TPCN2: variants seen among roughly 807,000 people sequenced by gnomAD.
TPCN2 encodes two pore channel protein 2.
A neutral mutation model predicts 111.4 loss-of-function variants in TPCN2; 92 were observed. The ratio of observed to expected loss-of-function variants is 0.83; its 90% CI spans 0.70 to 0.98. The LOEUF (loss-of-function observed/expected upper bound fraction) is 0.98. Ranked by LOEUF, TPCN2 falls within the 50% of genes least tolerant of loss-of-function variation. TPCN2 has a pLI of 0.00. For synonymous variants in TPCN2, 405 were observed against 414.5 expected, an observed-to-expected ratio of 0.98 and a Z score of 0.28; for missense variants, 995 against 980.1, an observed-to-expected ratio of 1.02 and a Z score of -0.20.
At position 69,076,566 on chromosome 11, in the gene TPCN2, T is replaced by A. The variant is rs1590739432; in HGVS notation, c.1231-1916T>A. 1.3e-5 allele frequency among the ~76,000 whole-genome samples: 2 copies of A among 150,768 alleles called. 1 individual carries two copies. Among genetic ancestry groups the A allele is most frequent in the East Asian group, 3.9e-4 (2 of 5,102 alleles). On this transcript the variant is annotated intron_variant, in intron 13 of 24. Coordinates refer to ENST00000294309, the MANE Select transcript of TPCN2 (RefSeq NM_139075.4). ...TGCCCTCCTGCTCTGTCCCTCCACC[T>A]GCCCTCCTGCTCTGTCCCTCCACCT...
intron 5 of TPCN2, among the ~76,000 whole-genome samples, chr11:69,062,483 A>T (rs1855066307): frequency 6.6e-6 from 1 of 151,036 alleles, no homozygotes; most frequent in African/African-American, 2.4e-5. Context: ...AGGGGTGAGG[A>T]GGCGGGGATG....
At chr11:69,050,009 C>T (rs951472464) in intron 1 of TPCN2, among the ~76,000 whole-genome samples, 1 of 152,236 alleles carries the variant, frequency 6.6e-6, no homozygotes, top group African/African-American at 2.4e-5. Flanking sequence ...CCTCTCTGGC[C>T]TCTCTTTCCT....
At chr11:69,075,183 GT>G (rs372972126) in intron 13 of TPCN2, among the ~76,000 whole-genome samples, 2,098 of 152,290 alleles carry the variant, frequency 0.014, 17 homozygotes, top group Middle Eastern at 0.034. Context: ...GGTTCCACAG[GT>G]TTTGGGAGCC....
At chr11:69,077,717 C>T (rs774585899) in intron 13 of TPCN2, among the ~76,000 whole-genome samples, 9 of 152,306 alleles carry the variant, frequency 5.9e-5, no homozygotes, top group Admixed American at 4.6e-4. Flanking sequence ...TGCCTGTTCA[C>T]GCAGCCATGT....
chr11:69,065,159 T>A (rs1287951991), intron 7 of TPCN2, among the ~76,000 whole-genome samples: 1 of 152,082 alleles, frequency 6.6e-6, no homozygotes, highest in Non-Finnish European at 1.5e-5. Flanking sequence ...TGTGTATGTG[T>A]GTGTTTGTGT....
chr11:69,087,929 C>T lies in TPCN2; in HGVS notation c.2235C>T (p.His745=). Reference sequence around the variant, plus strand: ...AGCTCACAGAGAGGCTGAGCCAGCACCCGCACCTGTGGCTGTGCAGGTGAC... The same window carrying T: ...AGCTCACAGAGAGGCTGAGCCAGCATCCGCACCTGTGGCTGTGCAGGTGAC... The part of the protein sequence containing the change: ...EDELTERLSQ[H]PHLWLCR The change falls in exon 25 of 25, where the codon CAC becomes CAT. Residue 745 remains histidine (H), a synonymous_variant. Transcript: ENST00000294309. 2 of 1,611,432 alleles carry T rather than the reference C, an allele frequency of 1.2e-6. No individual in the cohort carries two copies. Among genetic ancestry groups the T allele is most frequent in the Non-Finnish European group, 1.7e-6 (2 of 1,179,662 alleles).
At position 69,049,058 on chromosome 11, in the gene TPCN2, G is replaced by T; in HGVS notation, c.61G>T (p.Asp21Tyr). 1 of 1,242,594 alleles carries T rather than the reference G, an allele frequency of 8.0e-7. No individual in the cohort carries two copies. The highest frequency in any genetic ancestry group is 1.0e-6 in the Non-Finnish European group (1 of 988,618). 77.0% of individuals were successfully genotyped at this position (1,242,594 alleles called of 1,614,324 possible). Residue 21 changes from aspartate to tyrosine, a missense_variant, in exon 1 of 25, where the codon GAC becomes TAC. Transcript: ENST00000294309. Reference protein sequence around the residue: ...LLGGARGGGGDWPAGLTTYRS... With the variant: ...LLGGARGGGGYWPAGLTTYRS... ...GGGCGGGGCCCGCGGCGGTGGCGGC[G>T]ACTGGCCGGCGGGGCTGACCACTTA...
intron 1 of TPCN2, among the ~76,000 whole-genome samples, chr11:69,050,055 A>G (rs1861151969): frequency 6.6e-6 from 1 of 152,144 alleles, no homozygotes; most frequent in Non-Finnish European, 1.5e-5. Flanking sequence ...CTGGGTTGGA[A>G]TCCTGGTGCC....
At chr11:69,079,969 G>T (rs1400538371) in intron 17 of TPCN2, 86 bp downstream of exon 17, 76 of 1,319,982 alleles carry the variant, frequency 5.8e-5, no homozygotes, top group Non-Finnish European at 8.1e-5. Flanking sequence ...GGTGTCCAGG[G>T]GGCTGGGTCT....
Position 69,085,765 on chromosome 11 carries a change from C to T in TPCN2, c.1920+13C>T. The T allele has an allele frequency of 6.2e-7, 1 of 1,613,778 alleles. No individual in the cohort carries two copies. Among genetic ancestry groups the T allele is most frequent in the Non-Finnish European group, 8.5e-7 (1 of 1,179,750 alleles). On this transcript the variant is annotated intron_variant, in intron 21 of 24. Coordinates refer to ENST00000294309, the MANE Select transcript of TPCN2 (RefSeq NM_139075.4). The stretch of plus-strand genomic sequence containing the variant: ...CGATGACTTTGCGGTGAGCCCTGCG[C>T]CCTGTCCCAGCACCCTGCTCCCCGG...
chr11:69,069,870 C>G lies in TPCN2; in HGVS notation c.830-560C>G, dbSNP rs1010059652. Among the ~76,000 whole-genome samples the G allele has an allele frequency of 3.3e-5, 5 of 151,886 alleles. 1 individual carries two copies. Among genetic ancestry groups the G allele is most frequent in the Non-Finnish European group, 5.9e-5 (4 of 67,942 alleles). Reference sequence around the variant, plus strand: ...GGAGGGCTGCAGGGAGGTTTCAGCTCTGTGTGCAGAGGGACATCCTTGATA... The same window carrying G: ...GGAGGGCTGCAGGGAGGTTTCAGCTGTGTGTGCAGAGGGACATCCTTGATA... On this transcript the variant is annotated intron_variant, in intron 8 of 24. Coordinates refer to ENST00000294309, the MANE Select transcript of TPCN2 (RefSeq NM_139075.4).
Position 69,074,546 on chromosome 11 carries a change from G to A in TPCN2, c.1230+1545G>A, listed in dbSNP as rs1009776854. Reference sequence around the variant, plus strand: ...AAGAAGCACCATTCTAGATAAAGGCGCTTGTCCTAGGGGCGGAGCTGTTTG... The same window carrying A: ...AAGAAGCACCATTCTAGATAAAGGCACTTGTCCTAGGGGCGGAGCTGTTTG... On this transcript the variant is annotated intron_variant, in intron 13 of 24. Transcript: ENST00000294309. Among the ~76,000 whole-genome samples the A allele has an allele frequency of 3.3e-5, 5 of 149,716 alleles. No individual in the cohort carries two copies. The South Asian group carries it at 6.3e-4, about 19-fold the overall frequency.
chr11:69,049,435 G>T (rs1029926154), intron 1 of TPCN2, among the ~76,000 whole-genome samples: 8 of 152,242 alleles, frequency 5.3e-5, no homozygotes, highest in Admixed American at 5.2e-4. Flanking sequence ...CCGTGTGCCC[G>T]GGCGGGCCCA....
chr11:69,056,989 C>T (rs1854801203), intron 4 of TPCN2, among the ~76,000 whole-genome samples: 1 of 152,108 alleles, frequency 6.6e-6, no homozygotes, highest in South Asian at 2.1e-4. Context: ...AGGTGCCTGC[C>T]ACCATGCCCG....
chr11:69,068,162 T>G (rs1855357025), intron 8 of TPCN2, among the ~76,000 whole-genome samples: 1 of 152,242 alleles, frequency 6.6e-6, no homozygotes, highest in Non-Finnish European at 1.5e-5. Context: ...GAGGCCACGG[T>G]CCTGGGCTTG....
chr11:69,074,799 G>A lies in TPCN2; in HGVS notation c.1230+1798G>A, dbSNP rs1023910742. On this transcript the variant is annotated intron_variant, in intron 13 of 24. Transcript: ENST00000294309. ...CTGGGAGAAGCCAGTCATCCTAAAG[G>A]TTCTGGAAAGGTGGTTTTTGTTCCT... 2.0e-5 allele frequency among the ~76,000 whole-genome samples: 3 copies of A among 152,206 alleles called. 1 individual carries two copies. The South Asian group carries it at 6.2e-4, about 31-fold the overall frequency.
chr11:69,070,002 TTTTC>T (rs1271458797), intron 8 of TPCN2, among the ~76,000 whole-genome samples: 1 of 150,384 alleles, frequency 6.6e-6, no homozygotes, highest in African/African-American at 2.4e-5. Context: ...TTTTTTTTCC[TTTTC>T]TTTCTTTTTT....
At chr11:69,051,626 C>T (rs575771664) in intron 1 of TPCN2, among the ~76,000 whole-genome samples, 1 of 152,344 alleles carries the variant, frequency 6.6e-6, no homozygotes, top group South Asian at 2.1e-4. Flanking sequence ...GTGCCGGATG[C>T]AGCATCTCAG....
At position 69,049,104 on chromosome 11, in the gene TPCN2, C is replaced by G; in HGVS notation, c.107C>G (p.Pro36Arg). 8.1e-7 allele frequency: 1 copy of G among 1,241,264 alleles called. No homozygotes were observed. The highest frequency in any genetic ancestry group is 1.0e-6 in the Non-Finnish European group (1 of 987,340). The allele number at this position is 1,241,264 out of a possible 1,614,324, so 76.9% of individuals were successfully genotyped here. ...ACTTACCGCAGCATCCAAGTCGGCC[C>G]TGGTGAGCCGCCCGGACCTGGGGAG... The part of the protein sequence containing the change: ...LTTYRSIQVG[P>R]GAAARWDLCI... The change falls in exon 1 of 25, where the codon CCT (proline) becomes CGT (arginine). Residue 36 changes from proline to arginine, a missense_variant and splice_region_variant. Transcript: ENST00000294309.
Sources: allele counts gnomAD v4.1 joint callset (sites outside exome capture counted in the v4.1 genomes callset), GRCh38; gene constraint gnomAD v4.1.1; transcripts MANE v1.5; gene names NCBI Gene and HGNC (gene_info 2026-07-23, HGNC 2026-07-21).